GRID1: variants seen among roughly 807,000 people sequenced by gnomAD.
GRID1 encodes glutamate receptor ionotropic, delta-1.
Under a neutral mutation model 98.0 loss-of-function variants are expected in GRID1, and 28 were observed. That is an observed-to-expected ratio of 0.29 (90% CI 0.21 to 0.39). The LOEUF is 0.39. Ranked by LOEUF, GRID1 falls within the 10% of genes least tolerant of loss-of-function variation. The pLI, the probability that GRID1 is intolerant of heterozygous loss-of-function variation, is 1.00. For synonymous variants in GRID1, 553 were observed against 538.5 expected, an observed-to-expected ratio of 1.03 and a Z score of -0.37; for missense variants, 1,111 against 1,340.5, an observed-to-expected ratio of 0.83 and a Z score of 2.67.
rs369305908 is a variant in GRID1 at position 86,082,372 on chromosome 10, A to G, written c.726+56447T>C. Among the ~76,000 whole-genome samples, 216 of 152,314 alleles carry G rather than the reference A, an allele frequency of 1.4e-3. 2 individuals carry two copies. The highest frequency in any genetic ancestry group is 5.1e-3 in the African/African-American group (210 of 41,572). Reference sequence around the variant, plus strand: ...GCCTGGCTATGTGTTTTCTGCCAACAGCATTCCATTGCCCAGGGGCAGCGG... The same window carrying G: ...GCCTGGCTATGTGTTTTCTGCCAACGGCATTCCATTGCCCAGGGGCAGCGG... On this transcript the variant is annotated intron_variant, in intron 4 of 15. Transcript: ENST00000327946.
chr10:85,639,813 C>A lies in GRID1; in HGVS notation c.2193+7389G>T, dbSNP rs971295431. ...GCTTGAACCTGGGAGGCGGAGGTTGCGGTGAGCTGAGATCACCATTGCACT... is the reference window on the plus strand; with the variant it reads ...GCTTGAACCTGGGAGGCGGAGGTTGAGGTGAGCTGAGATCACCATTGCACT... On this transcript the variant is annotated intron_variant, in intron 13 of 15. Coordinates refer to ENST00000327946, the MANE Select transcript of GRID1 (RefSeq NM_017551.3). Among the ~76,000 whole-genome samples, 8 of 152,190 alleles carry A rather than the reference C, an allele frequency of 5.3e-5. No homozygotes were observed. The East Asian group carries it at 1.5e-3, about 29-fold the overall frequency.
At chr10:86,172,833 T>C (rs192487405) in intron 3 of GRID1, among the ~76,000 whole-genome samples, 2 of 152,324 alleles carry the variant, frequency 1.3e-5, no homozygotes, top group Admixed American at 6.5e-5. Context: ...AATGCTATTA[T>C]ATGATTTTAT....
At chr10:86,243,937 A>G (rs1846678577) in intron 2 of GRID1, among the ~76,000 whole-genome samples, 2 of 152,216 alleles carry the variant, frequency 1.3e-5, no homozygotes, top group Admixed American at 1.3e-4. Flanking sequence ...ATGTGCACAC[A>G]AGCACATGCA....
At chr10:85,637,834 G>C (rs1338581673) in intron 13 of GRID1, among the ~76,000 whole-genome samples, 1 of 152,048 alleles carries the variant, frequency 6.6e-6, no homozygotes, top group Non-Finnish European at 1.5e-5. Context: ...ATGTATCCCC[G>C]CTCTGGGCAT....
intron 2 of GRID1, among the ~76,000 whole-genome samples, chr10:86,360,514 G>GA (rs1003554478): frequency 6.6e-6 from 1 of 152,016 alleles, no homozygotes; most frequent in African/African-American, 2.4e-5. Flanking sequence ...TATAATCAGG[G>GA]AAAAAAGTAA....
At position 85,613,411 on chromosome 10, in the gene GRID1, T is replaced by C. The variant is rs1842754225; in HGVS notation, c.2597A>G (p.Lys866Arg). Residue 866 changes from lysine to arginine, a missense_variant, in exon 15 of 16, where the codon AAG becomes AGG. Physicochemically the swap from Lys to Arg is conservative, Grantham distance 26 (BLOSUM62 2). Around this residue, in one of 3 missense-constraint regions of GRID1, gnomAD observed 762 missense variants for 869.1 expected, o/e 0.88. Transcript: ENST00000327946. ...NSNRCHQETPKEDKEVNLEQV... is the reference protein window; with the variant it reads ...NSNRCHQETPREDKEVNLEQV... ...GGCAGGCCCCAGGGTGCTGACCTCC[T>C]TGGGGGTCTCCTGGTGGCACCGGTT... The C allele has an allele frequency of 1.9e-6, 3 of 1,612,550 alleles. No homozygotes were observed. The highest frequency in any genetic ancestry group is 1.7e-5 in the Admixed American group (1 of 59,940).
rs916356267 is a variant in GRID1 at position 85,910,788 on chromosome 10, T to C, written c.780+5398A>G. Among the ~76,000 whole-genome samples, 3 of 152,134 alleles carry C rather than the reference T, an allele frequency of 2.0e-5. No homozygotes were observed. The East Asian group carries it at 5.8e-4, about 29-fold the overall frequency. ...ATCAGCTTGTTCAGGGAATCAGGCA[T>C]GTGCATCAATTCCCCAACACAGCAG... On this transcript the variant is annotated intron_variant, in intron 5 of 15. Transcript: ENST00000327946.
At chr10:85,951,607 T>G (rs958861524) in intron 4 of GRID1, among the ~76,000 whole-genome samples, 5 of 152,240 alleles carry the variant, frequency 3.3e-5, no homozygotes, top group African/African-American at 1.2e-4. Context: ...TTATGAAGTT[T>G]CATTGCACAT....
intron 4 of GRID1, among the ~76,000 whole-genome samples, chr10:85,921,658 T>A (rs1252820153): frequency 2.0e-5 from 3 of 152,190 alleles, no homozygotes; most frequent in African/African-American, 7.2e-5. Flanking sequence ...TCTCCTAGAC[T>A]GGTGCTGGGG....
At chr10:86,180,528 A>C (rs1041682899) in intron 3 of GRID1, among the ~76,000 whole-genome samples, 6 of 152,026 alleles carry the variant, frequency 3.9e-5, no homozygotes, top group African/African-American at 1.4e-4. Flanking sequence ...TTGAAGGACC[A>C]AGGTTGCCAG....
intron 4 of GRID1, among the ~76,000 whole-genome samples, chr10:86,055,166 G>T (rs898861459): frequency 1.3e-5 from 2 of 152,232 alleles, no homozygotes; most frequent in Non-Finnish European, 2.9e-5. Context: ...CCCAGCTGAC[G>T]TGTAGTATCA....
chr10:86,184,915 T>C (rs1364087547), intron 3 of GRID1, among the ~76,000 whole-genome samples: 2 of 152,186 alleles, frequency 1.3e-5, no homozygotes, highest in Non-Finnish European at 2.9e-5. Flanking sequence ...CATGTTGTGT[T>C]AGTCCTCCAA....
intron 4 of GRID1, among the ~76,000 whole-genome samples, chr10:86,080,389 A>AAGGGAAGGGAAGGGG (rs1564668600): frequency 0.096 from 2,207 of 23,040 alleles, 141 homozygotes; most frequent in East Asian, 0.21. Context: ...AAGGAAAGGG[A>AAGGGAAGGGAAGGGG]AGGGAAGGGA....
intron 8 of GRID1, among the ~76,000 whole-genome samples, chr10:85,763,740 T>A (rs940572230): frequency 6.6e-6 from 1 of 152,268 alleles, no homozygotes; most frequent in Admixed American, 6.5e-5. Context: ...TGAGTATGTA[T>A]AACATTTATT....
intron 3 of GRID1, among the ~76,000 whole-genome samples, chr10:86,155,786 G>A (rs903871297): frequency 9.2e-5 from 14 of 152,178 alleles, no homozygotes; most frequent in African/African-American, 3.4e-4. Context: ...AGGGCAGGAG[G>A]GAGGAAAGTC....
At chr10:86,352,297 G>A (rs1442266173) in intron 2 of GRID1, among the ~76,000 whole-genome samples, 1 of 152,228 alleles carries the variant, frequency 6.6e-6, no homozygotes, top group Middle Eastern at 3.2e-3. Flanking sequence ...CAGGCAGTCA[G>A]TGCCTGGCCA....
At chr10:86,182,748 T>C (rs1845673364) in intron 3 of GRID1, among the ~76,000 whole-genome samples, 1 of 152,228 alleles carries the variant, frequency 6.6e-6, no homozygotes, top group Non-Finnish European at 1.5e-5. Context: ...TGCTCCACCC[T>C]TTCTCTCTCG....
chr10:85,863,131 C>T (rs1189682915), intron 6 of GRID1, among the ~76,000 whole-genome samples: 1 of 152,206 alleles, frequency 6.6e-6, no homozygotes, highest in Non-Finnish European at 1.5e-5. Context: ...AACAAAAAAA[C>T]ACAGACTGGG....
At chr10:85,713,089 A>T (rs1404846491) in intron 12 of GRID1, among the ~76,000 whole-genome samples, 1 of 151,642 alleles carries the variant, frequency 6.6e-6, no homozygotes, top group Non-Finnish European at 1.5e-5. Context: ...TAAAATAGAG[A>T]CTAGAAAGAC....
Sources: allele counts gnomAD v4.1 joint callset (sites outside exome capture counted in the v4.1 genomes callset), GRCh38; gene constraint gnomAD v4.1.1; regional missense constraint gnomAD v4.1.1; transcripts MANE v1.5; gene names NCBI Gene and HGNC (gene_info 2026-07-23, HGNC 2026-07-21).